KPTN: variants seen among roughly 807,000 people sequenced by gnomAD.
KPTN encodes KICSTOR complex protein kaptin.
Under a neutral mutation model 52.6 loss-of-function variants are expected in KPTN, and 36 were observed. The observed-to-expected ratio is 0.68, with a 90% CI of 0.52 to 0.90. The LOEUF (loss-of-function observed/expected upper bound fraction) is 0.90, where lower values mean the gene tolerates loss of function less well. Ranked by LOEUF, KPTN falls within the 40% of genes least tolerant of loss-of-function variation. KPTN has a pLI of 0.00. For synonymous variants in KPTN, 271 were observed against 248.4 expected (o/e 1.09, Z -0.85); for missense variants, 529 against 576.2 (o/e 0.92, Z 0.84).
rs1272061185 is a variant in KPTN, at chr19:47,480,339, C to T, written c.668G>A (p.Ser223Asn). The change falls in exon 7 of 12, where the codon AGT becomes AAT. Residue 223 changes from serine to asparagine, a missense_variant. Coordinates refer to ENST00000338134, the MANE Select transcript of KPTN (RefSeq NM_007059.4). Reference protein sequence around the residue: ...SRRLSALGCQSGYVRVAHVDQ... With the variant: ...SRRLSALGCQNGYVRVAHVDQ... The stretch of plus-strand genomic sequence containing the variant: ...CACGTGGGCGACACGGACATAACCA[C>T]TCTGACAGCCCAGAGCTGAGAGGCG... 3 of 1,549,860 alleles carry T rather than the reference C, an allele frequency of 1.9e-6. No homozygotes were observed. The Admixed American group carries it at 5.9e-5, about 30-fold the overall frequency.
intron 8 of KPTN, among the ~76,000 whole-genome samples, chr19:47,478,238 A>G (rs921431425): frequency 2.0e-5 from 3 of 151,996 alleles, no homozygotes; most frequent in Admixed American, 6.6e-5. Context: ...CCATGAGACA[A>G]ATTATAAGTC....
chr19:47,478,312 T>C (rs1338149205), intron 8 of KPTN, among the ~76,000 whole-genome samples: 1 of 151,584 alleles, frequency 6.6e-6, no homozygotes, highest in East Asian at 2.0e-4. Context: ...CTGGGTGTGG[T>C]GGCTCATGTA....
At chr19:47,482,591 C>A (rs1967920984) in intron 4 of KPTN, among the ~76,000 whole-genome samples, 3 of 152,136 alleles carry the variant, frequency 2.0e-5, no homozygotes, top group Admixed American at 2.0e-4. Context: ...AGCTTTCCAA[C>A]CTCAGCTGCA....
chr19:47,477,132 A>G (rs559601512), intron 9 of KPTN, among the ~76,000 whole-genome samples, 194 bp from the exon 10 acceptor site: 1 of 152,164 alleles, frequency 6.6e-6, no homozygotes, highest in African/African-American at 2.4e-5. Flanking sequence ...TGTGCACTCA[A>G]GCCCTTCATC....
At chr19:47,483,795 TGCCC>T in intron 1 of KPTN, 136 bp downstream of exon 1, 3 of 1,230,644 alleles carry the variant, frequency 2.4e-6, no homozygotes, top group Non-Finnish European at 3.4e-6. Context: ...CAACTATGCC[TGCCC>T]GCTGATCCCA....
chr19:47,478,619 C>T (rs567900102), intron 8 of KPTN, among the ~76,000 whole-genome samples: 41 of 135,866 alleles, frequency 3.0e-4, no homozygotes, highest in Middle Eastern at 4.7e-3. Context: ...TACAACAGCC[C>T]AATTCACAAC....
rs776840792 is a variant in KPTN at position 47,480,963 on chromosome 19, T to C, written c.520A>G (p.Lys174Glu). The C allele has an allele frequency of 4.4e-6, 7 of 1,608,628 alleles. No homozygotes were observed. In the South Asian group the frequency reaches 4.4e-5, roughly 10 times the overall value. Residue 174 changes from lysine (K) to glutamate (E), a missense_variant, in exon 5 of 12, where the codon AAG (lysine) becomes GAG (glutamate). Physicochemically the swap from Lys to Glu is moderately conservative, Grantham distance 56. Transcript: ENST00000338134. ...SGNDPAIHLY[K>E]ENEGLHQFEE... Reference sequence around the variant, plus strand: ...AGCACGCCGCCCCACCTCACCTCCTTGTAGAGATGAATGGCCGGGTCGTTC... The same window carrying C: ...AGCACGCCGCCCCACCTCACCTCCTCGTAGAGATGAATGGCCGGGTCGTTC...
At chr19:47,478,175 A>G (rs926204963) in intron 8 of KPTN, among the ~76,000 whole-genome samples, 3 of 152,156 alleles carry the variant, frequency 2.0e-5, no homozygotes, top group Non-Finnish European at 2.9e-5. Context: ...TGCAGGTTAG[A>G]TCTCAGGAAA....
intron 5 of KPTN, 23 bp from the exon 6 acceptor site, chr19:47,480,856 C>G (rs764240379): frequency 9.9e-6 from 16 of 1,613,806 alleles, no homozygotes; most frequent in Non-Finnish European, 1.3e-5. Context: ...AGACCCACCC[C>G]ACCCCCGCTT....
In KPTN at chr19:47,475,368, G is replaced by C. The variant is rs752317929; in HGVS notation, c.*48C>G. The C allele has an allele frequency of 1.9e-6, 3 of 1,594,856 alleles. No homozygotes were observed. Among genetic ancestry groups the C allele is most frequent in the Non-Finnish European group, 2.6e-6 (3 of 1,168,488 alleles). ...ACCCCCCACCAGCGGCTGGAGGTGA[G>C]CACGCCATGAGTCGCCCCAGGTCTG... On this transcript the variant is annotated 3_prime_UTR_variant, in exon 12 of 12. Transcript: ENST00000338134.
chr19:47,477,652 C>A (rs1479997565), intron 9 of KPTN, 54 bp downstream of exon 9: 1 of 1,334,046 alleles, frequency 7.5e-7, no homozygotes, highest in African/African-American at 1.4e-5. Flanking sequence ...AAGGTTAGAC[C>A]ACAGTGCAAA....
Position 47,484,034 on chromosome 19 carries a change from C to A in KPTN, c.127G>T (p.Ala43Ser), listed in dbSNP as rs771759519. The A allele has an allele frequency of 2.5e-6, 4 of 1,612,006 alleles. 1 individual carries two copies. The South Asian group carries it at 4.4e-5, about 18-fold the overall frequency. ...AGCACCTTGCCTTTAAGGGTGGCGGCCAGCAGCTCCCCGCGCCCGCCGGCG... is the reference window on the plus strand; with the variant it reads ...AGCACCTTGCCTTTAAGGGTGGCGGACAGCAGCTCCCCGCGCCCGCCGGCG... Reference protein sequence around the residue: ...GGAGGRGELLAATLKGKVLGF... With the variant: ...GGAGGRGELLSATLKGKVLGF... Residue 43 changes from alanine to serine, a missense_variant, in exon 1 of 12, where the codon GCC becomes TCC. Coordinates refer to ENST00000338134, the MANE Select transcript of KPTN (RefSeq NM_007059.4).
In KPTN at chr19:47,483,551, T is replaced by C; in HGVS notation, c.260A>G (p.Asn87Ser). ...DAEIVSIDTF[N>S]KSPPKRGLVV... ...CAGACCCCGCTTGGGGGGTGACTTG[T>C]TGAAAGTGTCGATGGAGACAATCTC... is the stretch of plus-strand genomic sequence containing the variant. The change falls in exon 2 of 12, where the codon AAC becomes AGC. Residue 87 changes from asparagine to serine, a missense_variant. By Grantham distance (46) the Asn-to-Ser change is conservative. Transcript: ENST00000338134. 6.4e-7 allele frequency: 1 copy of C among 1,572,640 alleles called. No homozygotes were observed. Among genetic ancestry groups the C allele is most frequent in the African/African-American group, 1.4e-5 (1 of 73,958 alleles).
In KPTN at chr19:47,475,303, C is replaced by T; in HGVS notation, c.*113G>A. The T allele has an allele frequency of 7.4e-7, 1 of 1,347,078 alleles. No homozygotes were observed. Among genetic ancestry groups the T allele is most frequent in the South Asian group, 1.4e-5 (1 of 71,780 alleles). 83.4% of individuals were successfully genotyped at this position (1,347,078 alleles called of 1,614,324 possible). ...GGGGCCCCAGGGCACAGCTTCACCA[C>T]CCTGGGGAGGTCTGGGGAGAGCATC... On this transcript the variant is annotated 3_prime_UTR_variant, in exon 12 of 12. Transcript: ENST00000338134.
Position 47,477,784 on chromosome 19 carries a change from G to A in KPTN, c.788-3C>T. The A allele has an allele frequency of 6.2e-7, 1 of 1,611,640 alleles. No individual in the cohort carries two copies. Among genetic ancestry groups the A allele is most frequent in the East Asian group, 2.2e-5 (1 of 44,836 alleles). On this transcript the variant is annotated splice_polypyrimidine_tract_variant and splice_region_variant and intron_variant, in intron 8 of 11. Coordinates refer to ENST00000338134, the MANE Select transcript of KPTN (RefSeq NM_007059.4). The stretch of plus-strand genomic sequence containing the variant: ...TTGTAGTGGCCTGTCCTTGGTCTCT[G>A]GAGAAGAAACATGAATGGTAATCCC...
At chr19:47,484,362 C>G (rs957123322), upstream of KPTN, 47 of 614,842 alleles carry the variant, frequency 7.6e-5, no homozygotes, top group Non-Finnish European at 1.3e-4. Flanking sequence ...CCACTGCGCC[C>G]GCGCTCTCTT....
At position 47,483,402 on chromosome 19, in the gene KPTN, G is replaced by T. The variant is rs781059268; in HGVS notation, c.310-23C>A. On this transcript the variant is annotated intron_variant, in intron 2 of 11. Coordinates refer to ENST00000338134, the MANE Select transcript of KPTN (RefSeq NM_007059.4). The stretch of plus-strand genomic sequence containing the variant: ...ATCCTGGCGGAGGACACGGGGTTCA[G>T]GGGAGGGCAGGGGTGGCAGGAGGGA... 4 of 1,609,844 alleles carry T rather than the reference G, an allele frequency of 2.5e-6. No individual in the cohort carries two copies. The South Asian group carries it at 4.4e-5, about 18-fold the overall frequency.
At chr19:47,484,532 C>T, upstream of KPTN, 2 of 273,478 alleles carry the variant, frequency 7.3e-6, no homozygotes, top group South Asian at 1.3e-4. Flanking sequence ...ACTGTAAGTG[C>T]ATTCCATCTA....
intron 4 of KPTN, 30 bp from the exon 5 acceptor site, chr19:47,481,063 T>C (rs1346170763): frequency 6.5e-6 from 10 of 1,533,944 alleles, no homozygotes; most frequent in Middle Eastern, 1.7e-4. Flanking sequence ...GAACCCAAGG[T>C]AGTGGAATCC....
Sources: allele counts gnomAD v4.1 joint callset (sites outside exome capture counted in the v4.1 genomes callset), GRCh38; gene constraint gnomAD v4.1.1; transcripts MANE v1.5; gene names NCBI Gene and HGNC (gene_info 2026-07-23, HGNC 2026-07-21).